Variants in GET4 observed in about 807,000 individuals in gnomAD.
The protein encoded by GET4 is guided entry of tail-anchored proteins factor 4.
In GET4, 20 loss-of-function variants were observed where a neutral mutation model predicts 40.0. That is an observed-to-expected ratio of 0.50 (90% confidence interval 0.35 to 0.73). The LOEUF (loss-of-function observed/expected upper bound fraction) is 0.73. GET4 is among the 30% of genes least tolerant of loss of function. The probability of loss-of-function intolerance (pLI) is 0.01; values close to 1 mark genes in which losing one functional copy is unlikely to be tolerated. For synonymous variants in GET4, 280 were observed against 194.6 expected (o/e 1.44, Z -3.65); for missense variants, 557 against 454.0 (o/e 1.23, Z -2.06).
intron 6 of GET4, among the ~76,000 whole-genome samples, chr7:892,875 G>A (rs1257353047): frequency 1.3e-5 from 2 of 151,686 alleles, no homozygotes; most frequent in African/African-American, 4.8e-5. Flanking sequence ...GCAGGTATGT[G>A]TGTTGTGTGT....
intron 4 of GET4, among the ~76,000 whole-genome samples, chr7:887,940 C>T (rs528234699): frequency 1.3e-5 from 2 of 152,288 alleles, no homozygotes; most frequent in East Asian, 1.9e-4. Flanking sequence ...TGGCTGTCTG[C>T]GTGGTGTGGT....
In GET4 at chr7:876,668, C is replaced by T. The variant is rs1244077130; in HGVS notation, c.23C>T (p.Ala8Val). The change falls in exon 1 of 9, where the codon GCC (alanine) becomes GTC (valine). Residue 8 changes from alanine to valine, a missense_variant. Coordinates refer to ENST00000265857, the MANE Select transcript of GET4 (RefSeq NM_015949.3). MAAAAAM[A>V]EQESARNGGR... is the part of the protein sequence containing the mutation. ...CCGATGGCGGCGGCGGCGGCGATGGCCGAGCAGGAGAGCGCCCGGAACGGC... is the reference window on the plus strand; with the variant it reads ...CCGATGGCGGCGGCGGCGGCGATGGTCGAGCAGGAGAGCGCCCGGAACGGC... The T allele has an allele frequency of 7.7e-7, 1 of 1,305,292 alleles. No homozygotes were observed. Among genetic ancestry groups the T allele is most frequent in the South Asian group, 1.9e-5 (1 of 53,998 alleles). 80.9% of individuals were successfully genotyped at this position (1,305,292 alleles called of 1,614,324 possible). A position where few individuals can be genotyped will look rare whatever the true frequency, so the allele number is the denominator to read the frequency against.
chr7:883,834 C>T (rs1015003355), intron 1 of GET4: 8 of 995,158 alleles, frequency 8.0e-6, no homozygotes, highest in East Asian at 1.1e-4. Flanking sequence ...CGTTCAGAGC[C>T]GCCTTAGACG....
At chr7:891,847 A>G (rs1419761155) in intron 5 of GET4, among the ~76,000 whole-genome samples, 1 of 141,198 alleles carries the variant, frequency 7.1e-6, no homozygotes, top group East Asian at 1.9e-4. Context: ...CTGGGCTGAC[A>G]GGGGCCCTGC....
intron 1 of GET4, among the ~76,000 whole-genome samples, chr7:878,773 G>A (rs148336590): frequency 0.014 from 2,105 of 152,204 alleles, 54 homozygotes; most frequent in African/African-American, 0.048. Context: ...TAGAGACGGG[G>A]TTTCACCATG....
intron 8 of GET4, 77 bp downstream of exon 8, chr7:894,048 C>A: frequency 1.2e-6 from 1 of 840,044 alleles, no homozygotes; most frequent in Non-Finnish European, 1.8e-6. Flanking sequence ...CAGGCAGGTC[C>A]AGTGCGGTCC....
At chr7:894,957 C>T (rs56822002) in intron 8 of GET4, among the ~76,000 whole-genome samples, 1 of 152,284 alleles carries the variant, frequency 6.6e-6, no homozygotes, top group African/African-American at 2.4e-5. Context: ...CTCTACAGCC[C>T]CACTTCTCTG....
chr7:876,657 G>A lies in GET4; in HGVS notation c.12G>A (p.Ala4=). 2.3e-6 allele frequency: 3 copies of A among 1,282,886 alleles called. No homozygotes were observed. Among genetic ancestry groups the A allele is most frequent in the South Asian group, 4.1e-5 (2 of 48,946 alleles). The allele number at this position is 1,282,886 out of a possible 1,614,324, so 79.5% of individuals were successfully genotyped here. Residue 4 remains alanine (A), a synonymous_variant, in exon 1 of 9, where the codon GCG becomes GCA. Coordinates refer to ENST00000265857, the MANE Select transcript of GET4 (RefSeq NM_015949.3). ...GGAGCGCCGGCCCGATGGCGGCGGC[G>A]GCGGCGATGGCCGAGCAGGAGAGCG... MAA[A]AAMAEQESAR... is the part of the protein sequence containing the mutation.
chr7:877,528 C>T (rs1409385040), intron 1 of GET4, among the ~76,000 whole-genome samples: 5 of 100,272 alleles, frequency 5.0e-5, no homozygotes, highest in Middle Eastern at 4.7e-3. Context: ...CCTGCTGCCC[C>T]CAACCCCGGC....
chr7:880,079 T>A (rs1844053390), intron 1 of GET4: 1 of 152,250 alleles, frequency 6.6e-6, no homozygotes, highest in Non-Finnish European at 1.5e-5. Flanking sequence ...CAGTGGCTCA[T>A]GCCTGTAATC....
intron 3 of GET4, 135 bp from the exon 4 acceptor site, chr7:887,235 G>C: frequency 1.1e-6 from 1 of 894,884 alleles, no homozygotes; most frequent in Non-Finnish European, 1.9e-6. Flanking sequence ...GTGGTCCACG[G>C]CTCACTCAGG....
At chr7:878,267 G>A in intron 1 of GET4, 1 of 471,094 alleles carries the variant, frequency 2.1e-6, no homozygotes, top group African/African-American at 2.0e-5. Context: ...ATTGTCTTCA[G>A]GACTGCTCTG....
chr7:877,245 G>A (rs1489626973), intron 1 of GET4, among the ~76,000 whole-genome samples: 2 of 136,000 alleles, frequency 1.5e-5, no homozygotes, highest in Admixed American at 1.5e-4. Flanking sequence ...CTTCCTTTGC[G>A]TCTCTCTCCC....
chr7:878,122 C>T (rs989299798), intron 1 of GET4: 1 of 369,836 alleles, frequency 2.7e-6, no homozygotes, highest in African/African-American at 2.1e-5. Context: ...GCCTCTGGAC[C>T]TAGGCTCGGT....
chr7:879,089 C>G (rs967551868), intron 1 of GET4, among the ~76,000 whole-genome samples: 1 of 152,230 alleles, frequency 6.6e-6, no homozygotes, highest in South Asian at 2.1e-4. Context: ...GCTCCACTCC[C>G]TGAAGACCCT....
At chr7:887,625 T>C (rs769661977) in intron 4 of GET4, 106 bp downstream of exon 4, 6 of 915,168 alleles carry the variant, frequency 6.6e-6, no homozygotes, top group Non-Finnish European at 9.1e-6. Flanking sequence ...GAGATGGGGT[T>C]TCACCCTGTG....
chr7:883,157 G>A (rs572088442), intron 1 of GET4: 17 of 152,392 alleles, frequency 1.1e-4, no homozygotes, highest in African/African-American at 3.8e-4. Flanking sequence ...TCCTGGCAGA[G>A]CAGAGCAGGC....
At chr7:886,190 G>A in intron 2 of GET4, 56 bp downstream of exon 2, 2 of 1,170,730 alleles carry the variant, frequency 1.7e-6, no homozygotes, top group Non-Finnish European at 2.6e-6. Context: ...GCAAGTGGAG[G>A]TGGGAATGAC....
intron 1 of GET4, chr7:883,452 C>T (rs1232539665): frequency 1.2e-5 from 11 of 945,258 alleles, no homozygotes; most frequent in Admixed American, 6.2e-5. Context: ...CTAATGCTTG[C>T]GTTTCTGTGT....
Sources: allele counts gnomAD v4.1 joint callset (sites outside exome capture counted in the v4.1 genomes callset), GRCh38; gene constraint gnomAD v4.1.1; transcripts MANE v1.5; gene names NCBI Gene and HGNC (gene_info 2026-07-23, HGNC 2026-07-21).